OSBPL9: variants seen among roughly 807,000 people sequenced by gnomAD.
The protein encoded by OSBPL9 is oxysterol-binding protein-related protein 9.
A neutral mutation model predicts 106.6 loss-of-function variants in OSBPL9; 40 were observed. The ratio of observed to expected loss-of-function variants is 0.38; its 90% CI spans 0.29 to 0.49. OSBPL9 has a LOEUF of 0.49. Among genes scored for constraint, OSBPL9 ranks in the 20% least tolerant of loss-of-function variants. OSBPL9 has a pLI of 0.97. For synonymous variants in OSBPL9, 269 were observed against 295.4 expected, an observed-to-expected ratio of 0.91 and a Z score of 0.92; for missense variants, 609 against 887.2, an observed-to-expected ratio of 0.69 and a Z score of 3.98.
chr1:51,648,134 C>T (rs1305762038), intron 1 of OSBPL9, among the ~76,000 whole-genome samples: 1 of 152,162 alleles, frequency 6.6e-6, no homozygotes, highest in African/African-American at 2.4e-5. Context: ...CATTTGTTAG[C>T]AGGTTTCAGA....
intron 2 of OSBPL9, among the ~76,000 whole-genome samples, chr1:51,667,997 T>TG (rs2148757113): frequency 6.6e-6 from 1 of 152,342 alleles, no homozygotes; most frequent in African/African-American, 2.4e-5. Flanking sequence ...AGATAGCCTC[T>TG]GGGGAAGAAA....
the OSBPL9 span, among the ~76,000 whole-genome samples, chr1:51,547,999 A>G: frequency 1.1e-4 from 16 of 152,140 alleles, no homozygotes; most frequent in South Asian, 3.3e-3. Flanking sequence ...TTATACAATA[A>G]TAATATTAAC....
intron 2 of OSBPL9, among the ~76,000 whole-genome samples, chr1:51,608,467 T>TA (rs1230135841): frequency 6.8e-4 from 102 of 151,026 alleles, no homozygotes; most frequent in African/African-American, 2.5e-3. Context: ...TAATTTTTTT[T>TA]TTTTTTATTT....
intron 3 of OSBPL9, chr1:51,707,253 G>T: frequency 7.6e-6 from 2 of 264,440 alleles, no homozygotes; most frequent in Admixed American, 3.8e-5. Flanking sequence ...GGCAGTGGTG[G>T]CCCCATCATG....
chr1:51,625,474 C>T lies in OSBPL9; in HGVS notation c.111+8253C>T, dbSNP rs559184057. On this transcript the variant is annotated intron_variant, in intron 1 of 23. Transcript: ENST00000428468. ...AATACAGACAAAGAAATGGCCACCC[C>T]AATCAATTGTTTCCTTCTCATTTAT... 5.3e-5 allele frequency among the ~76,000 whole-genome samples: 8 copies of T among 151,794 alleles called. No homozygotes were observed. The South Asian group carries it at 1.7e-3, about 32-fold the overall frequency.
rs35303378 is a variant in OSBPL9, at chr1:51,636,152, GTTTTTTTTTTT to G, written c.112-15823_112-15813del. Among the ~76,000 whole-genome samples the G allele has an allele frequency of 2.6e-3, 169 of 64,108 alleles. 1 individual carries two copies. Among genetic ancestry groups the G allele is most frequent in the Middle Eastern group, 0.019 (2 of 108 alleles). The allele number at this position is 64,108 out of a possible 152,430, so 42.1% of individuals were successfully genotyped here. On this transcript the variant is annotated intron_variant, in intron 1 of 23. Transcript: ENST00000428468. ...CTTCCTTCCTTCCTCTCTCTCTCTTGTTTTTTTTTTTTTTTTTTTTTTTTTTGAGACAGGGT... is the reference window on the plus strand; with the variant it reads ...CTTCCTTCCTTCCTCTCTCTCTCTTGTTTTTTTTTTTTTTTGAGACAGGGT...
intron 4 of OSBPL9, among the ~76,000 whole-genome samples, chr1:51,744,040 C>A (rs1028924116): frequency 6.6e-6 from 1 of 151,434 alleles, no homozygotes; most frequent in Non-Finnish European, 1.5e-5. Flanking sequence ...TACTCATTGT[C>A]AAACAGTTTC....
chr1:51,777,175 G>A (rs143669031), intron 15 of OSBPL9, among the ~76,000 whole-genome samples: 102 of 152,254 alleles, frequency 6.7e-4, no homozygotes, highest in Non-Finnish European at 1.3e-3. Context: ...AAGGCCAATG[G>A]TATAAGTTTA....
At chr1:51,567,765 G>T in the OSBPL9 span, 8 of 152,172 alleles carry the variant, frequency 5.3e-5, no homozygotes, top group Non-Finnish European at 1.2e-4. Context: ...GCACTTGATG[G>T]TCTTGTTCTC....
intron 12 of OSBPL9, among the ~76,000 whole-genome samples, chr1:51,770,903 T>G (rs927975969): frequency 6.6e-6 from 1 of 152,148 alleles, no homozygotes; most frequent in African/African-American, 2.4e-5. Context: ...TGTCATATAT[T>G]TATCAAAACC....
At chr1:51,781,020 T>G (rs189545348) in intron 15 of OSBPL9, 144 bp from the exon 16 acceptor site, 3 of 639,164 alleles carry the variant, frequency 4.7e-6, no homozygotes, top group Non-Finnish European at 8.1e-6. Flanking sequence ...TATACTCAAT[T>G]TTAAAATGAA....
At chr1:51,760,492 CA>C in intron 9 of OSBPL9, 197 bp from the exon 10 acceptor site, 1 of 621,658 alleles carries the variant, frequency 1.6e-6, no homozygotes, top group South Asian at 2.7e-5. Context: ...GAGATTCATT[CA>C]TTGTCTTTCC....
At chr1:51,715,393 A>G (rs1224260114) in intron 4 of OSBPL9, among the ~76,000 whole-genome samples, 1 of 152,156 alleles carries the variant, frequency 6.6e-6, no homozygotes, top group Non-Finnish European at 1.5e-5. Context: ...ATTTTAGCAA[A>G]TTTGTGATCC....
At chr1:51,658,575 C>A (rs1006716315) in intron 2 of OSBPL9, among the ~76,000 whole-genome samples, 1 of 152,102 alleles carries the variant, frequency 6.6e-6, no homozygotes, top group African/African-American at 2.4e-5. Context: ...ACTAAGTATT[C>A]CATTTACCTG....
chr1:51,550,989 T>A, the OSBPL9 span, among the ~76,000 whole-genome samples: 1 of 152,150 alleles, frequency 6.6e-6, no homozygotes, highest in Non-Finnish European at 1.5e-5. Context: ...TTACATACAT[T>A]AGTTCATTTA....
chr1:51,724,608 TGAG>T lies in OSBPL9; in HGVS notation c.318+10533_318+10535del, dbSNP rs545556391. On this transcript the variant is annotated intron_variant, in intron 4 of 23. Transcript: ENST00000428468. ...CCACTCTTCTTGCTTACATAGTTTC[TGAG>T]GAGATGTCAGATGTAATTTTTATTT... Among the ~76,000 whole-genome samples, 5 of 152,340 alleles carry T rather than the reference TGAG, an allele frequency of 3.3e-5. No homozygotes were observed. The South Asian group carries it at 1.0e-3, about 32-fold the overall frequency.
At chr1:51,723,677 G>T (rs894489725) in intron 4 of OSBPL9, among the ~76,000 whole-genome samples, 1 of 152,102 alleles carries the variant, frequency 6.6e-6, no homozygotes, top group Non-Finnish European at 1.5e-5. Flanking sequence ...CTCCTGAGTA[G>T]CTGGGATCAC....
chr1:51,706,689 T>A (rs1557715321), intron 3 of OSBPL9, among the ~76,000 whole-genome samples: 1 of 148,418 alleles, frequency 6.7e-6, no homozygotes, highest in Non-Finnish European at 1.5e-5. Flanking sequence ...ATATATGAAT[T>A]TATATATATA....
intron 4 of OSBPL9, among the ~76,000 whole-genome samples, chr1:51,716,420 T>C (rs1452865268): frequency 6.6e-6 from 1 of 152,180 alleles, no homozygotes; most frequent in Non-Finnish European, 1.5e-5. Context: ...ATAATAAGAG[T>C]ACCTACTTCA....
Sources: gnomAD v4.1 joint callset for allele counts (sites outside exome capture counted in the v4.1 genomes callset) on GRCh38, gnomAD v4.1.1 for gene constraint, MANE v1.5 for transcripts, NCBI Gene and HGNC (gene_info 2026-07-23, HGNC 2026-07-21) for gene names.